Variants in LRRFIP1 observed in about 807,000 individuals in gnomAD.
The protein encoded by LRRFIP1 is LRR binding FLII interacting protein 1, also known as leucine-rich repeat flightless-interacting protein 1.
LRRFIP1 carries 62 observed loss-of-function variants against 104.4 expected under a neutral mutation model. That is an observed-to-expected ratio of 0.59 (90% CI 0.48 to 0.73). LRRFIP1 has a LOEUF of 0.73. Among genes scored for constraint, LRRFIP1 ranks in the 30% least tolerant of loss-of-function variants. The pLI, the probability that LRRFIP1 is intolerant of heterozygous loss-of-function variation, is 0.00. For missense variants in LRRFIP1, 796 were observed against 824.5 expected (o/e 0.97, Z 0.42); for synonymous variants, 300 against 299.0 (o/e 1.00, Z -0.03).
chr2:237,716,001 A>G (rs189711958), intron 3 of LRRFIP1, among the ~76,000 whole-genome samples: 1 of 152,368 alleles, frequency 6.6e-6, no homozygotes, highest in Admixed American at 6.5e-5. Context: ...TCATGAAAAG[A>G]GCAAGTTAGA....
At chr2:237,640,170 G>C (rs1045353047) in intron 1 of LRRFIP1, among the ~76,000 whole-genome samples, 1 of 152,160 alleles carries the variant, frequency 6.6e-6, no homozygotes, top group Non-Finnish European at 1.5e-5. Flanking sequence ...TAGTACAGAG[G>C]GGGCCACATA....
At chr2:237,706,905 A>G (rs777618510) in intron 1 of LRRFIP1, among the ~76,000 whole-genome samples, 3 of 152,210 alleles carry the variant, frequency 2.0e-5, no homozygotes, top group Non-Finnish European at 4.4e-5. Flanking sequence ...CTGGGATTCC[A>G]GGCCTGAGCC....
At chr2:237,710,326 C>T (rs1398426533) in intron 2 of LRRFIP1, among the ~76,000 whole-genome samples, 2 of 151,762 alleles carry the variant, frequency 1.3e-5, no homozygotes, top group Non-Finnish European at 2.9e-5. Flanking sequence ...CTTTGTCGCC[C>T]AGGCTGGAGT....
Position 237,732,437 on chromosome 2 carries a change from C to T in LRRFIP1, c.445-1337C>T, listed in dbSNP as rs570068233. 2.6e-5 allele frequency among the ~76,000 whole-genome samples: 4 copies of T among 152,332 alleles called. No individual in the cohort carries two copies. The East Asian group carries it at 5.8e-4, about 22-fold the overall frequency. ...CTGTCTCCTTTTCACATCACTTTGT[C>T]GCTCCTTCCCTTTCCTTCTGTGCAT... On this transcript the variant is annotated intron_variant, in intron 8 of 23. Coordinates refer to ENST00000308482, the MANE Select transcript of LRRFIP1 (RefSeq NM_001137550.2).
intron 1 of LRRFIP1, chr2:237,692,153 G>A: frequency 1.0e-6 from 1 of 999,488 alleles, no homozygotes; most frequent in Non-Finnish European, 1.2e-6. Flanking sequence ...CTGCGTGGGG[G>A]GCGGGGCGGG....
intron 1 of LRRFIP1, among the ~76,000 whole-genome samples, chr2:237,641,630 T>C (rs2083994359): frequency 6.6e-6 from 1 of 152,228 alleles, no homozygotes; most frequent in Non-Finnish European, 1.5e-5. Flanking sequence ...TTCCAATTTT[T>C]CCCTATATAG....
intron 23 of LRRFIP1, among the ~76,000 whole-genome samples, chr2:237,776,904 C>T (rs989103087): frequency 3.3e-5 from 5 of 152,120 alleles, no homozygotes; most frequent in African/African-American, 7.2e-5. Flanking sequence ...TATTTGGACT[C>T]GTTTTCACCA....
intron 1 of LRRFIP1, among the ~76,000 whole-genome samples, chr2:237,689,621 C>G (rs957673335): frequency 6.6e-6 from 1 of 152,182 alleles, no homozygotes; most frequent in Non-Finnish European, 1.5e-5. Context: ...TTGTGGCAGG[C>G]AGTGGGTTTG....
chr2:237,707,473 AAAGG>A (rs1278478689), intron 1 of LRRFIP1, among the ~76,000 whole-genome samples: 4 of 151,888 alleles, frequency 2.6e-5, no homozygotes, highest in African/African-American at 4.8e-5. Flanking sequence ...AAAAAAAAAA[AAAGG>A]AAGAAAAAAA....
intron 1 of LRRFIP1, among the ~76,000 whole-genome samples, chr2:237,641,562 T>G (rs1322135288): frequency 1.3e-5 from 2 of 152,030 alleles, no homozygotes; most frequent in Non-Finnish European, 2.9e-5. Context: ...TCTCCTTGGA[T>G]TTCTGTTTTT....
At position 237,685,106 on chromosome 2, in the gene LRRFIP1, CCT is replaced by C. The variant is rs542970808; in HGVS notation, c.97-23436_97-23435del. Among the ~76,000 whole-genome samples, 104 of 10,474 alleles carry C rather than the reference CCT, an allele frequency of 9.9e-3. 3 individuals carry two copies. Among genetic ancestry groups the C allele is most frequent in the African/African-American group, 0.033 (94 of 2,874 alleles). The allele number at this position is 10,474 out of a possible 152,430, so 6.9% of individuals were successfully genotyped here. ...ACAGTGTGAGACCTTGTCTCCCTAC[CCT>C]CCCCCCCCCACACAAAAAAACCCCA... is the stretch of plus-strand genomic sequence containing the variant. On this transcript the variant is annotated intron_variant, in intron 1 of 23. Coordinates refer to ENST00000308482, the MANE Select transcript of LRRFIP1 (RefSeq NM_001137550.2).
chr2:237,714,134 C>T, intron 2 of LRRFIP1, 125 bp from the exon 3 acceptor site: 1 of 588,944 alleles, frequency 1.7e-6, no homozygotes, highest in Non-Finnish European at 3.0e-6. Context: ...TTTTCTTATT[C>T]ACATTTTACT....
intron 9 of LRRFIP1, among the ~76,000 whole-genome samples, chr2:237,734,453 G>A (rs1206096496): frequency 6.6e-6 from 1 of 151,672 alleles, no homozygotes; most frequent in Non-Finnish European, 1.5e-5. Flanking sequence ...GTTACTTTTT[G>A]TGTTTTCAGT....
chr2:237,684,856 G>A (rs1363020393), intron 1 of LRRFIP1, among the ~76,000 whole-genome samples: 7 of 151,688 alleles, frequency 4.6e-5, no homozygotes, highest in Non-Finnish European at 1.0e-4. Context: ...GGAGGCCAAG[G>A]TTAGTGGATT....
At position 237,691,053 on chromosome 2, in the gene LRRFIP1, G is replaced by C. The variant is rs1183407099; in HGVS notation, c.97-17491G>C. Among the ~76,000 whole-genome samples the C allele has an allele frequency of 6.6e-6, 1 of 151,570 alleles. No homozygotes were observed. Among genetic ancestry groups the C allele is most frequent in the African/African-American group, 2.4e-5 (1 of 40,860 alleles). Reference sequence around the variant, plus strand: ...TGACAACTCCTGCCCTGAAGCCCTGGGCCCGGGTCACGGCGGGAAGGTGAG... The same window carrying C: ...TGACAACTCCTGCCCTGAAGCCCTGCGCCCGGGTCACGGCGGGAAGGTGAG... On this transcript the variant is annotated intron_variant, in intron 1 of 23. Coordinates refer to ENST00000308482, the MANE Select transcript of LRRFIP1 (RefSeq NM_001137550.2). This position sits in a 1 kb window ranked among gnomAD's most constrained non-coding sequence, Gnocchi z 5.4.
rs868003563 is a variant in LRRFIP1, at chr2:237,739,296, G to A, written c.620G>A (p.Arg207Gln). 12 of 1,560,394 alleles carry A rather than the reference G, an allele frequency of 7.7e-6. No homozygotes were observed. Among genetic ancestry groups the A allele is most frequent in the East Asian group, 7.2e-5 (3 of 41,856 alleles). ...SRASSRASSA[R>Q]ASPVVEERPE... ...GCCTCCTCCAGGGCCAGCTCGGCCC[G>A]GGCCAGCCCTGTGGTAAGTCGGCCT... Residue 207 changes from arginine (R) to glutamine (Q), a missense_variant, in exon 11 of 24, where the codon CGG becomes CAG. By Grantham distance (43) the Arg-to-Gln change is conservative (BLOSUM62 1). Transcript: ENST00000308482.
intron 8 of LRRFIP1, among the ~76,000 whole-genome samples, chr2:237,728,623 G>A (rs1297349756): frequency 7.2e-5 from 11 of 152,116 alleles, no homozygotes; most frequent in Admixed American, 5.9e-4. Context: ...TAAGCTTCAC[G>A]ATATCCCACA....
At position 237,766,355 on chromosome 2, in the gene LRRFIP1, CA is replaced by C. The variant is rs985776720; in HGVS notation, c.1460-3587del. 6.6e-6 allele frequency among the ~76,000 whole-genome samples: 1 copy of C among 152,256 alleles called. No homozygotes were observed. The highest frequency in any genetic ancestry group is 2.4e-5 in the African/African-American group (1 of 41,546). Reference sequence around the variant, plus strand: ...TAAGTCCAAGGGCTCTATAGGACTTCACAGGGTTTTAGTTTATGTCTCTAAC... The same window carrying C: ...TAAGTCCAAGGGCTCTATAGGACTTCCAGGGTTTTAGTTTATGTCTCTAAC... On this transcript the variant is annotated intron_variant, in intron 19 of 23. Transcript: ENST00000308482. This position sits in a 1 kb window ranked among gnomAD's most constrained non-coding sequence, Gnocchi z 4.8.
intron 1 of LRRFIP1, among the ~76,000 whole-genome samples, chr2:237,666,908 C>A (rs532451289): frequency 3.3e-5 from 4 of 122,114 alleles, no homozygotes; most frequent in Non-Finnish European, 5.1e-5. Context: ...TCCCTCCCTG[C>A]CTTCCTGCTT....
Sources: gnomAD v4.1 joint callset for allele counts (sites outside exome capture counted in the v4.1 genomes callset) on GRCh38, gnomAD v4.1.1 for gene constraint, Gnocchi (gnomAD v3.1) non-coding constraint, MANE v1.5 for transcripts, NCBI Gene and HGNC (gene_info 2026-07-23, HGNC 2026-07-21) for gene names.